GRIP1: variants seen among roughly 807,000 people sequenced by gnomAD.
GRIP1 encodes glutamate receptor-interacting protein 1.
GRIP1 carries 45 observed loss-of-function variants against 129.9 expected under a neutral mutation model. The ratio of observed to expected loss-of-function variants is 0.35; its 90% CI spans 0.27 to 0.44. The LOEUF (loss-of-function observed/expected upper bound fraction) is 0.44, where lower values mean the gene tolerates loss of function less well. GRIP1 is among the 20% of genes least tolerant of loss of function. The pLI is 1.00. For missense variants in GRIP1, 1,196 were observed against 1,396.8 expected, an observed-to-expected ratio of 0.86 and a Z score of 2.29; for synonymous variants, 530 against 520.8, an observed-to-expected ratio of 1.02 and a Z score of -0.24.
In GRIP1 at chr12:66,498,699, C is replaced by CA. The variant is rs34305186; in HGVS notation, c.724+16919dup. ...TGACACTTATAAACTGTCATACAGG[C>CA]AAAAAAAAAATGTATTTGAGATTTC... On this transcript the variant is annotated intron_variant, in intron 7 of 24. Coordinates refer to ENST00000359742, the MANE Select transcript of GRIP1 (RefSeq NM_001366722.1). Among the ~76,000 whole-genome samples, 476 of 148,084 alleles carry CA rather than the reference C, an allele frequency of 3.2e-3. 2 individuals carry two copies. Among genetic ancestry groups the CA allele is most frequent in the Middle Eastern group, 6.9e-3 (2 of 288 alleles).
chr12:66,612,371 A>G (rs547176226), intron 1 of GRIP1, among the ~76,000 whole-genome samples: 6 of 152,272 alleles, frequency 3.9e-5, no homozygotes, highest in African/African-American at 1.4e-4. Flanking sequence ...TGTGTATCTC[A>G]TATCTAGGCT....
chr12:66,906,405 T>C (rs10878528), intron 1 of GRIP1, among the ~76,000 whole-genome samples: 39,447 of 152,034 alleles, frequency 0.26, 5,537 homozygotes, highest in East Asian at 0.45. Context: ...GAACTCAGCC[T>C]GGGCAACCAA....
In GRIP1 at chr12:66,534,575, G is replaced by A. The variant is rs1026925540; in HGVS notation, c.418+4503C>T. Among the ~76,000 whole-genome samples the A allele has an allele frequency of 4.6e-5, 7 of 152,094 alleles. No individual in the cohort carries two copies. The South Asian group carries it at 8.3e-4, about 18-fold the overall frequency. On this transcript the variant is annotated intron_variant, in intron 4 of 24. Coordinates refer to ENST00000359742, the MANE Select transcript of GRIP1 (RefSeq NM_001366722.1). ...CTATTTAAATTCTCATTTGGTCCTCGTGTACCTCATTGGCCTCATCTATCT... is the reference window on the plus strand; with the variant it reads ...CTATTTAAATTCTCATTTGGTCCTCATGTACCTCATTGGCCTCATCTATCT...
chr12:66,575,372 A>T (rs935443361), intron 2 of GRIP1, among the ~76,000 whole-genome samples: 2 of 152,226 alleles, frequency 1.3e-5, no homozygotes, highest in African/African-American at 4.8e-5. Context: ...AAATATTTTT[A>T]TTGATGATAC....
In GRIP1 at chr12:67,007,785, A is replaced by G. The variant is rs187018714; in HGVS notation, c.58+61265T>C. Among the ~76,000 whole-genome samples, 276 of 152,236 alleles carry G rather than the reference A, an allele frequency of 1.8e-3. 1 individual carries two copies. The highest frequency in any genetic ancestry group is 6.8e-3 in the Middle Eastern group (2 of 294). On this transcript the variant is annotated intron_variant, in intron 1 of 1. Coordinates refer to the GRIP1 transcript ENST00000643019. ...AAATCAAAGATAATTTTCTTGCACA[A>G]TCGATGCCTTTGATATCTATACTAT...
rs530953090 is a variant in GRIP1, at chr12:66,556,350, G to A, written c.137-14400C>T. Among the ~76,000 whole-genome samples the A allele has an allele frequency of 2.0e-5, 3 of 152,190 alleles. No individual in the cohort carries two copies. In the South Asian group the frequency reaches 6.2e-4, roughly 32 times the overall value. Reference sequence around the variant, plus strand: ...GGCAAAAATTGCTTTAAGCATGAAGGAGAAATAAAGACCTTCCTAGACAAA... The same window carrying A: ...GGCAAAAATTGCTTTAAGCATGAAGAAGAAATAAAGACCTTCCTAGACAAA... On this transcript the variant is annotated intron_variant, in intron 2 of 24. Transcript: ENST00000359742.
chr12:66,949,195 T>C (rs2041716818), intron 1 of GRIP1, among the ~76,000 whole-genome samples: 1 of 152,214 alleles, frequency 6.6e-6, no homozygotes, highest in Admixed American at 6.5e-5. Context: ...CTCGAACACA[T>C]AATTATGGGA....
intron 24 of GRIP1, among the ~76,000 whole-genome samples, chr12:66,352,706 C>CCGAGAGACAGAG (rs1555170138): frequency 7.0e-6 from 1 of 142,538 alleles, no homozygotes. Flanking sequence ...GCACTCCAGC[C>CCGAGAGACAGAG]TGAGACTCTG....
intron 1 of GRIP1, among the ~76,000 whole-genome samples, chr12:66,885,212 G>A (rs2040545180): frequency 6.6e-6 from 1 of 152,132 alleles, no homozygotes; most frequent in Non-Finnish European, 1.5e-5. Flanking sequence ...TCTCAGTGGT[G>A]CCTCACGCCC....
chr12:67,052,733 G>T (rs934026754), intron 1 of GRIP1, among the ~76,000 whole-genome samples: 1 of 144,524 alleles, frequency 6.9e-6, no homozygotes, highest in East Asian at 2.3e-4. Context: ...GCACTCCAGC[G>T]TGGGTAACAG....
intron 1 of GRIP1, among the ~76,000 whole-genome samples, chr12:67,062,302 T>C (rs950999842): frequency 6.6e-6 from 1 of 152,232 alleles, no homozygotes; most frequent in East Asian, 1.9e-4. Flanking sequence ...GAAATGAATA[T>C]TTATATTCTA....
chr12:66,425,644 A>T (rs1003922469), intron 14 of GRIP1, among the ~76,000 whole-genome samples: 1 of 152,198 alleles, frequency 6.6e-6, no homozygotes, highest in Non-Finnish European at 1.5e-5. Context: ...ATGCAGCCAT[A>T]AAAAATAATG....
At chr12:66,481,605 C>T (rs1415698700) in intron 7 of GRIP1, among the ~76,000 whole-genome samples, 1 of 152,132 alleles carries the variant, frequency 6.6e-6, no homozygotes, top group Non-Finnish European at 1.5e-5. Context: ...TGGGTATATA[C>T]CCAAAGGATT....
chr12:66,976,311 T>G (rs2042150405), intron 1 of GRIP1, among the ~76,000 whole-genome samples: 1 of 152,228 alleles, frequency 6.6e-6, no homozygotes, highest in Admixed American at 6.5e-5. Context: ...TATTTTCATG[T>G]ATGTATTGGT....
intron 1 of GRIP1, among the ~76,000 whole-genome samples, chr12:66,912,451 C>A (rs1335951103): frequency 6.6e-6 from 1 of 152,034 alleles, no homozygotes; most frequent in Admixed American, 6.6e-5. Context: ...TTAAATGTGA[C>A]TTTGATCTTC....
At chr12:66,625,291 C>T (rs770431410) in intron 1 of GRIP1, among the ~76,000 whole-genome samples, 1 of 152,086 alleles carries the variant, frequency 6.6e-6, no homozygotes, top group South Asian at 2.1e-4. Context: ...GGATGGTATA[C>T]ATTATGTTTT....
chr12:66,971,130 T>C (rs2042070000), intron 1 of GRIP1, among the ~76,000 whole-genome samples: 1 of 152,166 alleles, frequency 6.6e-6, no homozygotes, highest in Non-Finnish European at 1.5e-5. Context: ...AAATTACTAT[T>C]TAAATGGCCC....
chr12:66,972,807 G>A (rs928343881), intron 1 of GRIP1, among the ~76,000 whole-genome samples: 2 of 152,150 alleles, frequency 1.3e-5, no homozygotes, highest in Non-Finnish European at 2.9e-5. Flanking sequence ...GTCCAAAGAT[G>A]CTTTCCAGAA....
chr12:66,930,093 G>T (rs1592357420), intron 1 of GRIP1, among the ~76,000 whole-genome samples: 4 of 134,530 alleles, frequency 3.0e-5, no homozygotes, highest in East Asian at 2.1e-4. Flanking sequence ...ACTTTCTTTT[G>T]GCCTTTATAC....
Sources: gnomAD v4.1 joint callset for allele counts (sites outside exome capture counted in the v4.1 genomes callset) on GRCh38, gnomAD v4.1.1 for gene constraint, MANE v1.5 for transcripts, NCBI Gene and HGNC (gene_info 2026-07-23, HGNC 2026-07-21) for gene names.